The following PARP11 variants were observed in gnomAD, a reference collection of about 807,000 sequenced individuals.
The protein encoded by PARP11 is poly(ADP-ribose) polymerase family member 11.
PARP11 carries 31 observed loss-of-function variants against 42.9 expected under a neutral mutation model. The ratio of observed to expected loss-of-function variants is 0.72; its 90% CI spans 0.54 to 0.98. The LOEUF is 0.98. PARP11 is among the 50% of genes least tolerant of loss of function. The pLI is 0.00. For missense variants in PARP11, 365 were observed against 413.1 expected (o/e 0.88, Z 1.01); for synonymous variants, 137 against 127.3 (o/e 1.08, Z -0.51).
chr12:3,867,905 A>G (rs1948417947), intron 1 of PARP11, among the ~76,000 whole-genome samples: 1 of 152,224 alleles, frequency 6.6e-6, no homozygotes, highest in African/African-American at 2.4e-5. Context: ...CTTCAGGGAG[A>G]AATCTTCCGA....
intron 3 of PARP11, among the ~76,000 whole-genome samples, chr12:3,827,452 AGGTCT>A (rs1298913101): frequency 2.8e-4 from 43 of 152,310 alleles, no homozygotes; most frequent in African/African-American, 1.0e-3. Context: ...CCTCTACATG[AGGTCT>A]GGTGTCTGTG....
intron 1 of PARP11, chr12:3,841,735 C>T (rs1244024952): frequency 6.2e-7 from 1 of 1,612,926 alleles, no homozygotes; most frequent in Non-Finnish European, 8.5e-7. Context: ...TCCTATTGCA[C>T]CTCCTTTCTT....
intron 4 of PARP11, among the ~76,000 whole-genome samples, chr12:3,825,839 G>A (rs1425831789): frequency 6.6e-6 from 1 of 152,076 alleles, no homozygotes; most frequent in African/African-American, 2.4e-5. Context: ...CCATTCTCCT[G>A]ACTCAGCCTC....
chr12:3,872,039 T>C (rs1948491739), intron 1 of PARP11: 1 of 152,144 alleles, frequency 6.6e-6, no homozygotes, highest in Admixed American at 6.5e-5. Context: ...CCATTGTCTA[T>C]AGGAACTGGC....
intron 1 of PARP11, 131 bp from the exon 2 acceptor site, chr12:3,830,149 C>T: frequency 1.4e-6 from 1 of 693,120 alleles, no homozygotes; most frequent in South Asian, 2.1e-5. Flanking sequence ...TTAAAAACAG[C>T]TTTCTATCTT....
rs147527891 is a variant in PARP11, at chr12:3,863,022, C to T, written c.18+10190G>A. On this transcript the variant is annotated intron_variant, in intron 1 of 7. Coordinates refer to ENST00000228820, the MANE Select transcript of PARP11 (RefSeq NM_020367.6). ...CCCATGAATAAATTATATCTTTCGA[C>T]TTATTTAGGTCTTAATTTTTTCAAG... Among the ~76,000 whole-genome samples the T allele has an allele frequency of 1.6e-4, 25 of 152,260 alleles. No individual in the cohort carries two copies. The East Asian group carries it at 4.0e-3, about 25-fold the overall frequency.
intron 1 of PARP11, among the ~76,000 whole-genome samples, chr12:3,836,151 A>C (rs1947756788): frequency 1.3e-5 from 2 of 152,054 alleles, no homozygotes; most frequent in African/African-American, 4.8e-5. Context: ...CCAAATGCAG[A>C]CACATCAAAG....
Position 3,810,828 on chromosome 12 carries a change from A to AAGAGG in PARP11, c.*1290_*1294dup, listed in dbSNP as rs1429908012. On this transcript the variant is annotated 3_prime_UTR_variant, in exon 8 of 8. Transcript: ENST00000228820. ...AAGAGAAGAGAAAGAAGAGAAGAGA[A>AAGAGG]AGAGGAGAGAAGAGAAGGAGGAGAG... is the stretch of plus-strand genomic sequence containing the variant. 2.0e-5 allele frequency: 3 copies of AAGAGG among 151,992 alleles called. No individual in the cohort carries two copies. Among genetic ancestry groups the AAGAGG allele is most frequent in the Non-Finnish European group, 4.4e-5 (3 of 68,088 alleles). The allele number at this position is 151,992 out of a possible 1,614,324, so 9.4% of individuals were successfully genotyped here.
intron 1 of PARP11, chr12:3,839,719 T>G: frequency 9.4e-7 from 1 of 1,065,054 alleles, no homozygotes; most frequent in South Asian, 1.3e-5. Context: ...TGAAAAGGTG[T>G]TACTGTGTTT....
At chr12:3,823,664 C>A (rs1376570754) in intron 4 of PARP11, among the ~76,000 whole-genome samples, 1 of 152,082 alleles carries the variant, frequency 6.6e-6, no homozygotes, top group Non-Finnish European at 1.5e-5. Flanking sequence ...GCCTATAATC[C>A]CAACACTTTG....
rs192310566 is a variant in PARP11 at position 3,872,848 on chromosome 12, C to G, written c.18+364G>C. 1,171 of 977,750 alleles carry G rather than the reference C, an allele frequency of 1.2e-3. 11 individuals carry two copies. In the African/African-American group the frequency reaches 0.018, roughly 15 times the overall value. 60.6% of individuals were successfully genotyped at this position (977,750 alleles called of 1,614,324 possible). ...GGCTGAGGCACGACAATCGCTTTAA[C>G]CCGGGAGACGGAGGTTGCGGTGGGC... On this transcript the variant is annotated intron_variant, in intron 1 of 7. Coordinates refer to ENST00000228820, the MANE Select transcript of PARP11 (RefSeq NM_020367.6).
intron 1 of PARP11, among the ~76,000 whole-genome samples, chr12:3,835,379 TACAC>T (rs1947738790): frequency 6.6e-6 from 1 of 152,084 alleles, no homozygotes; most frequent in Non-Finnish European, 1.5e-5. Context: ...CACTGTTATA[TACAC>T]ATAAACCAAT....
Position 3,809,365 on chromosome 12 carries a change from T to C in PARP11, c.*2758A>G, listed in dbSNP as rs1947126687. On this transcript the variant is annotated 3_prime_UTR_variant, in exon 8 of 8. Coordinates refer to ENST00000228820, the MANE Select transcript of PARP11 (RefSeq NM_020367.6). Reference sequence around the variant, plus strand: ...TCAGTTCTCTCTTATAAAAGAGGGGTTGGCAGTACATTCTCAGACCAAACA... The same window carrying C: ...TCAGTTCTCTCTTATAAAAGAGGGGCTGGCAGTACATTCTCAGACCAAACA... The C allele has an allele frequency of 6.6e-6, 1 of 152,088 alleles. No individual in the cohort carries two copies. The highest frequency in any genetic ancestry group is 1.5e-5 in the Non-Finnish European group (1 of 68,014). The allele number at this position is 152,088 out of a possible 1,614,324, so 9.4% of individuals were successfully genotyped here.
intron 1 of PARP11, chr12:3,841,766 A>G (rs971057421): frequency 1.4e-5 from 22 of 1,612,356 alleles, no homozygotes; most frequent in African/African-American, 1.3e-4. Context: ...TGGCATGGGT[A>G]CCCTTTTCAG....
chr12:3,841,018 C>G (rs2072387), intron 1 of PARP11: 56 of 1,581,436 alleles, frequency 3.5e-5, no homozygotes, highest in Admixed American at 1.7e-5. Context: ...AATTCCTGGT[C>G]GGTCAGTGAC....
intron 6 of PARP11, among the ~76,000 whole-genome samples, chr12:3,819,525 A>G (rs898430959): frequency 1.4e-4 from 22 of 152,188 alleles, no homozygotes; most frequent in African/African-American, 5.1e-4. Flanking sequence ...GACTCCAGTC[A>G]TTACCAAATG....
At position 3,840,992 on chromosome 12, in the gene PARP11, C is replaced by G; in HGVS notation, c.19-10974G>C. On this transcript the variant is annotated intron_variant, in intron 1 of 7. Transcript: ENST00000228820. This position sits in a 1 kb window ranked among gnomAD's most constrained non-coding sequence, Gnocchi z 4.4. ...AGTGAACCTACAACTTTTGGACCAA[C>G]AGGTGTCCCTGCTCCAATTCCTGGT... 1.2e-6 allele frequency: 2 copies of G among 1,604,202 alleles called. No homozygotes were observed. The highest frequency in any genetic ancestry group is 1.7e-6 in the Non-Finnish European group (2 of 1,171,180).
rs1948294245 is a variant in PARP11 at position 3,861,709 on chromosome 12, T to C, written c.18+11503A>G. On this transcript the variant is annotated intron_variant, in intron 1 of 7. Coordinates refer to ENST00000228820, the MANE Select transcript of PARP11 (RefSeq NM_020367.6). The surrounding 1 kb of genome is among the most constrained non-coding windows in gnomAD (Gnocchi z 4.6). ...TATCACTTTTTTTTTTCATCGATCATAGTCCTGGCATTGTAGCTAAAAAGA... is the reference window on the plus strand; with the variant it reads ...TATCACTTTTTTTTTTCATCGATCACAGTCCTGGCATTGTAGCTAAAAAGA... 6.6e-6 allele frequency among the ~76,000 whole-genome samples: 1 copy of C among 152,260 alleles called. No homozygotes were observed. The highest frequency in any genetic ancestry group is 1.5e-5 in the Non-Finnish European group (1 of 68,014).
At chr12:3,819,850 T>A (rs1591761008) in intron 6 of PARP11, among the ~76,000 whole-genome samples, 1 of 152,208 alleles carries the variant, frequency 6.6e-6, no homozygotes, top group East Asian at 1.9e-4. Flanking sequence ...TGCCTCTTGA[T>A]ACCATTCTAG....
Sources: gnomAD v4.1 joint callset for allele counts (sites outside exome capture counted in the v4.1 genomes callset) on GRCh38, gnomAD v4.1.1 for gene constraint, Gnocchi (gnomAD v3.1) non-coding constraint, MANE v1.5 for transcripts, NCBI Gene and HGNC (gene_info 2026-07-23, HGNC 2026-07-21) for gene names.